Variants in ELL2 observed in about 807,000 individuals in gnomAD.
ELL2 encodes the protein elongation factor for RNA polymerase II 2.
ELL2 carries 21 observed loss-of-function variants against 72.8 expected under a neutral mutation model. The ratio of observed to expected loss-of-function variants is 0.29; its 90% CI spans 0.20 to 0.42. ELL2 has a LOEUF of 0.42. Among genes scored for constraint, ELL2 ranks in the 10% least tolerant of loss-of-function variants. The pLI, the probability that ELL2 is intolerant of heterozygous loss-of-function variation, is 1.00. For synonymous variants in ELL2, 266 were observed against 283.2 expected, an observed-to-expected ratio of 0.94 and a Z score of 0.61; for missense variants, 568 against 772.8, an observed-to-expected ratio of 0.73 and a Z score of 3.14.
At chr5:95,953,237 C>T (rs1751485047) in intron 1 of ELL2, among the ~76,000 whole-genome samples, 1 of 152,226 alleles carries the variant, frequency 6.6e-6, no homozygotes, top group Non-Finnish European at 1.5e-5. Context: ...TTTCTATCTC[C>T]AATGCCTAGT....
At chr5:95,928,678 T>G (rs1453394193) in intron 2 of ELL2, among the ~76,000 whole-genome samples, 1 of 152,244 alleles carries the variant, frequency 6.6e-6, no homozygotes, top group Non-Finnish European at 1.5e-5. Context: ...AGTATTACCT[T>G]TTGCTTGGAC....
In ELL2 at chr5:95,891,268, A is replaced by G. The variant is rs780265876; in HGVS notation, c.1596T>C (p.Tyr532=). The G allele has an allele frequency of 2.5e-6, 4 of 1,599,406 alleles. No individual in the cohort carries two copies. Among genetic ancestry groups the G allele is most frequent in the Non-Finnish European group, 2.6e-6 (3 of 1,174,506 alleles). The change falls in exon 10 of 12, where the codon TAT becomes TAC. Residue 532 remains tyrosine (Y), a synonymous_variant. Coordinates refer to ENST00000237853, the MANE Select transcript of ELL2 (RefSeq NM_012081.6). ...GTTGCTCATAGGAGACGATAGCGAT[A>G]TATTTTCTAATAAGAAAAAAGATAA... The part of the protein sequence containing the change: ...AIELPDYLIK[Y]IAIVSYEQRQ...
At chr5:95,909,326 G>T (rs1749492599) in intron 4 of ELL2, among the ~76,000 whole-genome samples, 1 of 152,112 alleles carries the variant, frequency 6.6e-6, no homozygotes, top group Non-Finnish European at 1.5e-5. Context: ...CAAGTTAGGG[G>T]TTAACTCATA....
intron 4 of ELL2, among the ~76,000 whole-genome samples, chr5:95,907,790 C>T (rs1580493004): frequency 6.6e-6 from 1 of 152,230 alleles, no homozygotes; most frequent in African/African-American, 2.4e-5. Context: ...TAATGACATA[C>T]GATGTGGACA....
In ELL2 at chr5:95,906,638, C is replaced by T; in HGVS notation, c.626G>A (p.Arg209Lys). Reference sequence around the variant, plus strand: ...CTTCAGGGCCAGTAAGTGAATCACCCTGTCCCTGTATGGCCTCTGAGAGAT... The same window carrying T: ...CTTCAGGGCCAGTAAGTGAATCACCTTGTCCCTGTATGGCCTCTGAGAGAT... ...STISQRPYRD[R>K]VIHLLALKAY... The change falls in exon 5 of 12, where the codon AGG becomes AAG. Residue 209 changes from arginine to lysine, a missense_variant. Coordinates refer to ENST00000237853, the MANE Select transcript of ELL2 (RefSeq NM_012081.6). 6.2e-7 allele frequency: 1 copy of T among 1,614,132 alleles called. No individual in the cohort carries two copies. Among genetic ancestry groups the T allele is most frequent in the African/African-American group, 1.3e-5 (1 of 75,050 alleles).
chr5:95,949,054 C>A (rs1033971905), intron 1 of ELL2, among the ~76,000 whole-genome samples: 5 of 152,214 alleles, frequency 3.3e-5, no homozygotes, highest in Admixed American at 6.5e-5. Flanking sequence ...ATACTCTTGA[C>A]ATCTGCATTT....
intron 2 of ELL2, among the ~76,000 whole-genome samples, chr5:95,925,926 A>G (rs1338747825): frequency 1.3e-5 from 2 of 152,176 alleles, no homozygotes; most frequent in Non-Finnish European, 2.9e-5. Flanking sequence ...AAACATTTAA[A>G]CATTAGAATT....
At chr5:95,908,255 C>A (rs1164574354) in intron 4 of ELL2, among the ~76,000 whole-genome samples, 4 of 152,186 alleles carry the variant, frequency 2.6e-5, no homozygotes, top group Non-Finnish European at 5.9e-5. Context: ...GCTGCATACA[C>A]ATTATCTCAC....
intron 1 of ELL2, among the ~76,000 whole-genome samples, chr5:95,961,123 G>C (rs1338990206): frequency 2.0e-5 from 3 of 152,094 alleles, no homozygotes; most frequent in Non-Finnish European, 2.9e-5. Flanking sequence ...GATCCACCGT[G>C]CCTATGTAAC....
At position 95,898,665 on chromosome 5, in the gene ELL2, G is replaced by C; in HGVS notation, c.1100C>G (p.Pro367Arg). The C allele has an allele frequency of 6.2e-7, 1 of 1,612,634 alleles. No individual in the cohort carries two copies. The highest frequency in any genetic ancestry group is 1.1e-5 in the South Asian group (1 of 90,890). ...EKSAAGLPLP[P>R]AAAAIPTPPP... Reference sequence around the variant, plus strand: ...AGGGGTAGGGATGGCAGCAGCCGCAGGGGGCAGCGGGAGGCCTGCAGCAGA... The same window carrying C: ...AGGGGTAGGGATGGCAGCAGCCGCACGGGGCAGCGGGAGGCCTGCAGCAGA... Residue 367 changes from proline (P) to arginine (R), a missense_variant, in exon 8 of 12, where the codon CCT (proline) becomes CGT (arginine). By Grantham distance (103) the Pro-to-Arg change is moderately radical. Transcript: ENST00000237853.
At chr5:95,953,843 A>G (rs544053156) in intron 1 of ELL2, among the ~76,000 whole-genome samples, 1 of 152,348 alleles carries the variant, frequency 6.6e-6, no homozygotes, top group South Asian at 2.1e-4. Context: ...GGAACGTTAT[A>G]TAGAGTTACT....
At chr5:95,914,858 A>G (rs1455384976) in intron 3 of ELL2, among the ~76,000 whole-genome samples, 2 of 152,190 alleles carry the variant, frequency 1.3e-5, no homozygotes, top group Admixed American at 1.3e-4. Flanking sequence ...AAAACAAAAC[A>G]GAACAAAACA....
rs1751027395 is a variant in ELL2, at chr5:95,943,052, A to G, written c.148-3T>C. On this transcript the variant is annotated splice_polypyrimidine_tract_variant and splice_region_variant and intron_variant, in intron 1 of 11. Coordinates refer to ENST00000237853, the MANE Select transcript of ELL2 (RefSeq NM_012081.6). ...GAAGGTCGAAAAGGAATTAAATTCT[A>G]TTAAAAGAAACAAAAGAAACAAACA... 6.3e-7 allele frequency: 1 copy of G among 1,599,862 alleles called. No individual in the cohort carries two copies. The highest frequency in any genetic ancestry group is 1.3e-5 in the African/African-American group (1 of 74,272).
In ELL2 at chr5:95,901,013, C is replaced by T. The variant is rs1749118483; in HGVS notation, c.809G>A (p.Arg270Lys). 1.9e-6 allele frequency: 3 copies of T among 1,613,862 alleles called. No individual in the cohort carries two copies. In the South Asian group the frequency reaches 3.3e-5, roughly 18 times the overall value. ...LKDYVFKELQ[R>K]DWPGYSEIDR... Reference sequence around the variant, plus strand: ...TATTTCACTGTATCCAGGCCAGTCTCTTTGAAGCTCTTTAAAAACATAATC... The same window carrying T: ...TATTTCACTGTATCCAGGCCAGTCTTTTTGAAGCTCTTTAAAAACATAATC... Residue 270 changes from arginine (R) to lysine (K), a missense_variant, in exon 6 of 12, where the codon AGA becomes AAA. Around this residue, in one of 2 missense-constraint regions of ELL2, gnomAD observed 511 missense variants for 728.4 expected, o/e 0.70. Transcript: ENST00000237853.
rs528168069 is a variant in ELL2, at chr5:95,914,216, T to A, written c.318-282A>T. On this transcript the variant is annotated intron_variant, in intron 3 of 11. Coordinates refer to ENST00000237853, the MANE Select transcript of ELL2 (RefSeq NM_012081.6). ...AGTATTTAGAGTGAGACCAGAGTTC[T>A]GATGGGCATTGTAGTTGTTTTATTT... Among the ~76,000 whole-genome samples, 12 of 152,282 alleles carry A rather than the reference T, an allele frequency of 7.9e-5. No individual in the cohort carries two copies. The South Asian group carries it at 2.5e-3, about 32-fold the overall frequency.
In ELL2 at chr5:95,927,764, TACACACACAC is replaced by T. The variant is rs200681140; in HGVS notation, c.196-8229_196-8220del. ...ACACACATATGTGTGTATATAGACA[TACACACACAC>T]ATATGTGTGTATATAGACATACACA... On this transcript the variant is annotated intron_variant, in intron 2 of 11. Coordinates refer to ENST00000237853, the MANE Select transcript of ELL2 (RefSeq NM_012081.6). 2.8e-3 allele frequency among the ~76,000 whole-genome samples: 194 copies of T among 70,162 alleles called. 77 individuals carry two copies. The highest frequency in any genetic ancestry group is 0.018 in the African/African-American group (188 of 10,564). 46.0% of individuals were successfully genotyped at this position (70,162 alleles called of 152,430 possible). A position where few individuals can be genotyped will look rare whatever the true frequency, so the allele number is the denominator to read the frequency against.
Position 95,900,961 on chromosome 5 carries a change from G to A in ELL2, c.861C>T (p.Leu287=). The change falls in exon 6 of 12, where the codon CTC becomes CTT. Residue 287 remains leucine, a synonymous_variant. Coordinates refer to ENST00000237853, the MANE Select transcript of ELL2 (RefSeq NM_012081.6). Reference sequence around the variant, plus strand: ...GCAAGAAAAAAAGAATTCACCTAGAGAGCACTGACTCCAATGACCGTCTGT... The same window carrying A: ...GCAAGAAAAAAAGAATTCACCTAGAAAGCACTGACTCCAATGACCGTCTGT... ...EIDRRSLESV[L]SRKLNPSQNA... The A allele has an allele frequency of 1.3e-6, 2 of 1,598,744 alleles. No individual in the cohort carries two copies. The highest frequency in any genetic ancestry group is 2.2e-5 in the East Asian group (1 of 44,838).
chr5:95,934,590 GGAGA>G (rs1750709080), intron 2 of ELL2, among the ~76,000 whole-genome samples: 1 of 152,062 alleles, frequency 6.6e-6, no homozygotes, highest in Non-Finnish European at 1.5e-5. Context: ...TCTTTCCACT[GGAGA>G]GAGAGAGATC....
intron 9 of ELL2, 49 bp from the exon 10 acceptor site, chr5:95,891,323 T>C (rs1042997097): frequency 6.5e-7 from 1 of 1,541,198 alleles, no homozygotes; most frequent in Non-Finnish European, 8.7e-7. Context: ...TAAACATGAT[T>C]GCACAAGTCT....
Sources: gnomAD v4.1 joint callset for allele counts (sites outside exome capture counted in the v4.1 genomes callset) on GRCh38, gnomAD v4.1.1 for gene constraint, gnomAD v4.1.1 regional missense constraint, MANE v1.5 for transcripts, NCBI Gene and HGNC (gene_info 2026-07-23, HGNC 2026-07-21) for gene names.